Variants in RGL1 observed in about 807,000 individuals in gnomAD.
RGL1 encodes the protein ral guanine nucleotide dissociation stimulator-like 1.
In RGL1, 24 loss-of-function variants were observed where a neutral mutation model predicts 95.2. The ratio of observed to expected loss-of-function variants is 0.25; its 90% CI spans 0.18 to 0.35. RGL1 has a LOEUF of 0.35. Among genes scored for constraint, RGL1 ranks in the 10% least tolerant of loss-of-function variants. RGL1 has a pLI of 1.00. For missense variants in RGL1, 715 were observed against 936.3 expected (o/e 0.76, Z 3.08); for synonymous variants, 329 against 344.9 (o/e 0.95, Z 0.51).
chr1:183,660,479 A>G (rs1295685581), intron 1 of RGL1, among the ~76,000 whole-genome samples: 1 of 151,644 alleles, frequency 6.6e-6, no homozygotes, highest in African/African-American at 2.4e-5. Context: ...ACATAATGGT[A>G]AAGGGATCAA....
intron 4 of RGL1, among the ~76,000 whole-genome samples, chr1:183,870,518 G>C (rs879688151): frequency 6.6e-6 from 1 of 151,258 alleles, no homozygotes; most frequent in Non-Finnish European, 1.5e-5. Flanking sequence ...CTGGCCCGCT[G>C]TCTTCCTGCT....
At chr1:183,785,296 T>C (rs1056680095) in intron 2 of RGL1, among the ~76,000 whole-genome samples, 7 of 152,216 alleles carry the variant, frequency 4.6e-5, no homozygotes, top group African/African-American at 1.7e-4. Context: ...AATTACTTTG[T>C]ATTCTTTGGC....
intron 2 of RGL1, among the ~76,000 whole-genome samples, chr1:183,825,808 T>G (rs1308725911): frequency 6.6e-6 from 1 of 152,172 alleles, no homozygotes; most frequent in Non-Finnish European, 1.5e-5. Flanking sequence ...ACAATCCCAG[T>G]GGAAGCCTAT....
At chr1:183,765,154 G>A (rs888658094) in intron 2 of RGL1, among the ~76,000 whole-genome samples, 3 of 152,150 alleles carry the variant, frequency 2.0e-5, no homozygotes, top group Admixed American at 1.3e-4. Context: ...CATAGACAAG[G>A]TATGAGGCAT....
intron 1 of RGL1, among the ~76,000 whole-genome samples, chr1:183,723,917 A>G (rs1383636106): frequency 6.6e-6 from 1 of 152,108 alleles, no homozygotes; most frequent in African/African-American, 2.4e-5. Flanking sequence ...TGCTTGAAGA[A>G]AGGAGAGGGA....
exon 1 of RGL1, chr1:183,636,161 C>G (rs1649515635): frequency 5.0e-6 from 2 of 399,222 alleles, no homozygotes; most frequent in Non-Finnish European, 8.8e-6. Flanking sequence ...TTGCTGCAGC[C>G]GTCAACGACC....
At chr1:183,643,587 G>T (rs116251073) in intron 1 of RGL1, among the ~76,000 whole-genome samples, 1,982 of 152,064 alleles carry the variant, frequency 0.013, 50 homozygotes, top group African/African-American at 0.046. Context: ...CACCGCGCCC[G>T]GCCCGAGGTC....
intron 12 of RGL1, 83 bp downstream of exon 12, chr1:183,902,683 G>T (rs1052229474): frequency 1.4e-4 from 194 of 1,393,172 alleles, no homozygotes; most frequent in Non-Finnish European, 1.9e-4. Flanking sequence ...TTTTGTAGAG[G>T]CAGAAAAAAA....
At chr1:183,740,032 A>G (rs1273252637) in intron 1 of RGL1, among the ~76,000 whole-genome samples, 1 of 152,186 alleles carries the variant, frequency 6.6e-6, no homozygotes, top group Non-Finnish European at 1.5e-5. Flanking sequence ...AGCCAAAACC[A>G]TTTTATGTAG....
intron 4 of RGL1, among the ~76,000 whole-genome samples, chr1:183,877,158 A>C (rs889603546): frequency 6.6e-6 from 1 of 152,136 alleles, no homozygotes; most frequent in African/African-American, 2.4e-5. Context: ...CCAGGTCTCC[A>C]AGCGTCCTGT....
chr1:183,638,697 G>C lies in RGL1; in HGVS notation c.-33+2196G>C, dbSNP rs149247981. ...CCTTATTTTAATTTTTCAAATGAGT[G>C]CTTACCCTGATATAAAAGATTTATA... On this transcript the variant is annotated intron_variant, in intron 1 of 18. Transcript: ENST00000304685. 5.3e-3 allele frequency among the ~76,000 whole-genome samples: 799 copies of C among 152,130 alleles called. 6 individuals carry two copies. The highest frequency in any genetic ancestry group is 0.018 in the African/African-American group (754 of 41,488).
At chr1:183,863,835 T>C (rs1201778414) in intron 3 of RGL1, among the ~76,000 whole-genome samples, 1 of 152,184 alleles carries the variant, frequency 6.6e-6, no homozygotes, top group East Asian at 1.9e-4. Flanking sequence ...AAGCAGTCAC[T>C]CTGATCCCAA....
intron 2 of RGL1, among the ~76,000 whole-genome samples, chr1:183,807,089 A>G (rs1268546301): frequency 6.6e-6 from 1 of 152,168 alleles, no homozygotes; most frequent in East Asian, 1.9e-4. Context: ...ACTCTTTTCC[A>G]CTGAGATTGT....
intron 2 of RGL1, among the ~76,000 whole-genome samples, chr1:183,782,207 C>T (rs1659938650): frequency 1.3e-5 from 2 of 152,180 alleles, no homozygotes; most frequent in Admixed American, 1.3e-4. Flanking sequence ...GCTCCAATTC[C>T]AGAAAACATA....
At chr1:183,924,523 A>G (rs2102765887) in intron 17 of RGL1, among the ~76,000 whole-genome samples, 1 of 152,308 alleles carries the variant, frequency 6.6e-6, no homozygotes, top group Middle Eastern at 3.4e-3. Context: ...TACCTAATGT[A>G]GATGGCGGGT....
At chr1:183,813,652 T>C (rs1168767708) in intron 2 of RGL1, among the ~76,000 whole-genome samples, 2 of 152,248 alleles carry the variant, frequency 1.3e-5, no homozygotes, top group African/African-American at 2.4e-5. Flanking sequence ...GTTAAACTTA[T>C]AATTGTGTTG....
intron 10 of RGL1, 53 bp from the exon 11 acceptor site, chr1:183,900,097 C>T (rs1221995070): frequency 1.4e-6 from 2 of 1,455,174 alleles, no homozygotes; most frequent in Non-Finnish European, 1.9e-6. Flanking sequence ...ATTCCTAAAA[C>T]CCCTCAACTT....
intron 1 of RGL1, among the ~76,000 whole-genome samples, chr1:183,674,364 A>G (rs1188338233): frequency 3.9e-5 from 6 of 152,232 alleles, no homozygotes; most frequent in South Asian, 2.1e-4. Flanking sequence ...TACCCTTTAC[A>G]GTTGAGGATA....
At chr1:183,687,293 A>T (rs932099201) in intron 1 of RGL1, among the ~76,000 whole-genome samples, 1 of 152,238 alleles carries the variant, frequency 6.6e-6, no homozygotes, top group Non-Finnish European at 1.5e-5. Context: ...AAGACCTAGA[A>T]CACTGCTGGC....
Sources: allele counts gnomAD v4.1 joint callset (sites outside exome capture counted in the v4.1 genomes callset), GRCh38; gene constraint gnomAD v4.1.1; transcripts MANE v1.5; gene names NCBI Gene and HGNC (gene_info 2026-07-23, HGNC 2026-07-21).